Variants in POU2F1 observed in about 807,000 individuals in gnomAD.
The protein encoded by POU2F1 is POU class 2 homeobox 1.
Under a neutral mutation model 84.9 loss-of-function variants are expected in POU2F1, and 16 were observed. The observed-to-expected ratio is 0.19, with a 90% CI of 0.13 to 0.29. The LOEUF (loss-of-function observed/expected upper bound fraction) is 0.29. Among genes scored for constraint, POU2F1 ranks in the 10% least tolerant of loss-of-function variants. POU2F1 has a pLI of 1.00. For synonymous variants in POU2F1, 368 were observed against 368.3 expected, an observed-to-expected ratio of 1.00 and a Z score of 0.01; for missense variants, 738 against 942.6, an observed-to-expected ratio of 0.78 and a Z score of 2.84.
At chr1:167,377,290 T>A (rs77012660) in intron 7 of POU2F1, among the ~76,000 whole-genome samples, 1 of 152,252 alleles carries the variant, frequency 6.6e-6, no homozygotes, top group East Asian at 1.9e-4. Context: ...TTTGATTTAT[T>A]TAAGAGTCAT....
intron 1 of POU2F1, among the ~76,000 whole-genome samples, chr1:167,300,809 T>C (rs1274090648): frequency 6.6e-6 from 1 of 152,066 alleles, no homozygotes; most frequent in Non-Finnish European, 1.5e-5. Flanking sequence ...CTACCTCTGT[T>C]GCCCAGGCTG....
chr1:167,227,031 C>T (rs371514575), intron 1 of POU2F1, among the ~76,000 whole-genome samples: 1 of 152,084 alleles, frequency 6.6e-6, no homozygotes, highest in South Asian at 2.1e-4. Context: ...TTAAGCAGTC[C>T]TACTGTGGCC....
intron 1 of POU2F1, among the ~76,000 whole-genome samples, chr1:167,253,883 T>C (rs1453769957): frequency 1.3e-5 from 2 of 152,186 alleles, no homozygotes; most frequent in East Asian, 3.8e-4. Context: ...ACGTATTTCA[T>C]TTTTTTCTAT....
chr1:167,396,830 T>G (rs1648843995), intron 10 of POU2F1: 1 of 155,054 alleles, frequency 6.4e-6, no homozygotes, highest in Non-Finnish European at 1.4e-5. Context: ...CTTTTGTTAT[T>G]TCAAATGACC....
chr1:167,371,919 T>C lies in POU2F1; in HGVS notation c.285T>C (p.Ser95=). The change falls in exon 5 of 16, where the codon TCT becomes TCC. Residue 95 remains serine (S), a splice_region_variant and synonymous_variant. Transcript: ENST00000367866. Reference sequence around the variant, plus strand: ...ATTTCCTACCCACCCCACCTCAGTCTAAATCTAATGAAGAATCGGGGGATT... The same window carrying C: ...ATTTCCTACCCACCCCACCTCAGTCCAAATCTAATGAAGAATCGGGGGATT... ...QAAAQSLNVQ[S]KSNEESGDSQ... 1 of 1,614,170 alleles carries C rather than the reference T, an allele frequency of 6.2e-7. No homozygotes were observed. The highest frequency in any genetic ancestry group is 8.5e-7 in the Non-Finnish European group (1 of 1,180,010).
At chr1:167,376,952 G>A (rs1164340013) in intron 7 of POU2F1, among the ~76,000 whole-genome samples, 1 of 152,150 alleles carries the variant, frequency 6.6e-6, no homozygotes, top group Non-Finnish European at 1.5e-5. Flanking sequence ...CAATGCTATG[G>A]GAACCAAGCA....
chr1:167,231,397 A>G (rs1649052689), intron 1 of POU2F1, among the ~76,000 whole-genome samples: 1 of 152,188 alleles, frequency 6.6e-6, no homozygotes, highest in Non-Finnish European at 1.5e-5. Flanking sequence ...TAGGAGAGCT[A>G]AATTGTATGC....
At chr1:167,401,323 G>A (rs6664379) in intron 12 of POU2F1, 128 bp from the exon 13 acceptor site, 5 of 567,970 alleles carry the variant, frequency 8.8e-6, no homozygotes, top group East Asian at 3.1e-5. Context: ...AACCATCTTC[G>A]AATAGCAGCT....
At chr1:167,329,091 A>G (rs979961884) in intron 1 of POU2F1, 15 of 1,274,026 alleles carry the variant, frequency 1.2e-5, no homozygotes, top group East Asian at 3.5e-5. Flanking sequence ...GAAGATTGCT[A>G]TGGTGTAACA....
At chr1:167,323,990 G>A (rs531747369) in intron 1 of POU2F1, among the ~76,000 whole-genome samples, 5 of 152,176 alleles carry the variant, frequency 3.3e-5, no homozygotes, top group African/African-American at 7.2e-5. Flanking sequence ...ACCGCACCCA[G>A]CCTAATTACA....
intron 2 of POU2F1, among the ~76,000 whole-genome samples, chr1:167,334,409 G>A (rs143747643): frequency 6.6e-6 from 1 of 152,002 alleles, no homozygotes; most frequent in Non-Finnish European, 1.5e-5. Context: ...CTGATTTCGA[G>A]TTAAGTTATT....
At chr1:167,260,171 C>G (rs971989105) in intron 1 of POU2F1, among the ~76,000 whole-genome samples, 2 of 152,164 alleles carry the variant, frequency 1.3e-5, no homozygotes, top group Non-Finnish European at 2.9e-5. Context: ...AGCCACTGCA[C>G]CCGGCTAATT....
intron 2 of POU2F1, among the ~76,000 whole-genome samples, chr1:167,351,986 G>A (rs1658617069): frequency 6.6e-6 from 1 of 152,198 alleles, no homozygotes; most frequent in Non-Finnish European, 1.5e-5. Flanking sequence ...CGCAAAAATA[G>A]ATGCACACCT....
intron 1 of POU2F1, among the ~76,000 whole-genome samples, chr1:167,322,003 T>A (rs971943850): frequency 6.6e-6 from 1 of 152,212 alleles, no homozygotes; most frequent in East Asian, 1.9e-4. Flanking sequence ...TACTTTGATA[T>A]ACTTCAGAGG....
chr1:167,244,007 T>C (rs1650118474), intron 1 of POU2F1, among the ~76,000 whole-genome samples: 1 of 152,190 alleles, frequency 6.6e-6, no homozygotes, highest in Non-Finnish European at 1.5e-5. Flanking sequence ...GCCCATACTC[T>C]GAATCATATT....
At chr1:167,354,186 G>T (rs1401138965) in intron 2 of POU2F1, among the ~76,000 whole-genome samples, 2 of 152,098 alleles carry the variant, frequency 1.3e-5, no homozygotes, top group African/African-American at 4.8e-5. Context: ...GGACATTTGG[G>T]TTATTTCTAG....
chr1:167,417,181 A>G lies in POU2F1; in HGVS notation c.*1371A>G, dbSNP rs1237601098. The G allele has an allele frequency of 2.6e-5, 4 of 152,186 alleles. No homozygotes were observed. The highest frequency in any genetic ancestry group is 1.9e-4 in the East Asian group (1 of 5,196). 9.4% of individuals were successfully genotyped at this position (152,186 alleles called of 1,614,324 possible). ...TTCCTTTCCACTGGATGGTTTATAA[A>G]TTCCTCTAACCCTGAGATTCTTCTT... On this transcript the variant is annotated 3_prime_UTR_variant, in exon 16 of 16. Transcript: ENST00000367866.
intron 1 of POU2F1, among the ~76,000 whole-genome samples, chr1:167,288,643 G>A (rs1653699614): frequency 6.6e-6 from 1 of 152,088 alleles, no homozygotes; most frequent in Admixed American, 6.5e-5. Flanking sequence ...ATTGTTATCA[G>A]GCCACTGCAC....
chr1:167,275,272 C>G (rs911692039), intron 1 of POU2F1, among the ~76,000 whole-genome samples: 1 of 152,092 alleles, frequency 6.6e-6, no homozygotes, highest in Non-Finnish European at 1.5e-5. Flanking sequence ...GTGATCCCCC[C>G]ACCTTGCCCT....
Sources: gnomAD v4.1 joint callset for allele counts (sites outside exome capture counted in the v4.1 genomes callset) on GRCh38, gnomAD v4.1.1 for gene constraint, MANE v1.5 for transcripts, NCBI Gene and HGNC (gene_info 2026-07-23, HGNC 2026-07-21) for gene names.